MBTD1: variants seen among roughly 807,000 people sequenced by gnomAD.
The protein encoded by MBTD1 is MBT domain-containing protein 1.
A neutral mutation model predicts 87.8 loss-of-function variants in MBTD1; 24 were observed. The ratio of observed to expected loss-of-function variants is 0.27; its 90% CI spans 0.20 to 0.38. MBTD1 has a LOEUF of 0.38. MBTD1 is among the 10% of genes least tolerant of loss of function. The probability of loss-of-function intolerance (pLI) is 1.00; values close to 1 mark genes in which losing one functional copy is unlikely to be tolerated. For missense variants in MBTD1, 436 were observed against 760.2 expected (o/e 0.57, Z 5.02); for synonymous variants, 237 against 248.6 (o/e 0.95, Z 0.44).
chr17:51,193,574 CA>C, intron 13 of MBTD1, 64 bp from the exon 14 acceptor site: 2 of 871,994 alleles, frequency 2.3e-6, no homozygotes, highest in South Asian at 2.9e-5. Context: ...AAAATGCAGA[CA>C]AAAAGTAACA....
intron 2 of MBTD1, among the ~76,000 whole-genome samples, chr17:51,236,023 ATGTC>A (rs566231387): frequency 1.4e-4 from 21 of 152,128 alleles, no homozygotes; most frequent in Admixed American, 3.9e-4. Context: ...CTCTATATGT[ATGTC>A]TATTTATGGG....
chr17:51,236,055 A>T (rs2053813430), intron 2 of MBTD1, among the ~76,000 whole-genome samples: 1 of 152,142 alleles, frequency 6.6e-6, no homozygotes, highest in Non-Finnish European at 1.5e-5. Flanking sequence ...GGGTCTATAT[A>T]TAGATATCTA....
At chr17:51,260,931 G>A (rs1447205079), upstream of MBTD1, 1 of 1,541,912 alleles carries the variant, frequency 6.5e-7, no homozygotes, top group Non-Finnish European at 8.7e-7. Context: ...CCGAGGGTGA[G>A]GGAGGCCGCG....
At chr17:51,246,596 G>A (rs552501891) in intron 2 of MBTD1, among the ~76,000 whole-genome samples, 4 of 152,140 alleles carry the variant, frequency 2.6e-5, no homozygotes, top group South Asian at 2.1e-4. Context: ...AAACAATCAC[G>A]TCACTAACAA....
At chr17:51,245,337 G>A (rs759147149) in intron 2 of MBTD1, among the ~76,000 whole-genome samples, 1 of 151,992 alleles carries the variant, frequency 6.6e-6, no homozygotes, top group Admixed American at 6.6e-5. Flanking sequence ...TGTATGTATG[G>A]AAAATTGTGA....
chr17:51,240,540 T>A (rs1371661125), intron 2 of MBTD1, among the ~76,000 whole-genome samples: 1 of 152,208 alleles, frequency 6.6e-6, no homozygotes, highest in Non-Finnish European at 1.5e-5. Context: ...GCTGGGGTTA[T>A]GTTTTTGGCA....
chr17:51,238,644 G>A (rs1861813729), intron 2 of MBTD1, among the ~76,000 whole-genome samples: 1 of 152,156 alleles, frequency 6.6e-6, no homozygotes, highest in Non-Finnish European at 1.5e-5. Flanking sequence ...AAAGGCAACA[G>A]GCACTTTCAA....
chr17:51,215,713 A>G (rs2052528803), intron 6 of MBTD1, among the ~76,000 whole-genome samples: 2 of 152,178 alleles, frequency 1.3e-5, no homozygotes, highest in South Asian at 4.1e-4. Flanking sequence ...TAAATCACCT[A>G]CTTTACACAG....
intron 7 of MBTD1, among the ~76,000 whole-genome samples, chr17:51,205,554 T>C (rs1334380244): frequency 6.6e-6 from 1 of 152,160 alleles, no homozygotes; most frequent in East Asian, 1.9e-4. Context: ...AGATGGGGAA[T>C]TGACTTGGGT....
intron 2 of MBTD1, among the ~76,000 whole-genome samples, chr17:51,254,855 A>G: frequency 6.6e-6 from 1 of 152,258 alleles, no homozygotes; most frequent in East Asian, 1.9e-4. Context: ...AGTCTGAAAC[A>G]TGCAGTGGCC....
chr17:51,253,065 C>T (rs1403199084), intron 2 of MBTD1, among the ~76,000 whole-genome samples: 4 of 151,614 alleles, frequency 2.6e-5, no homozygotes, highest in Non-Finnish European at 4.4e-5. Flanking sequence ...ATTGTACTAT[C>T]AAGTGCATGT....
At chr17:51,248,688 A>C (rs1160415508) in intron 2 of MBTD1, among the ~76,000 whole-genome samples, 2 of 152,222 alleles carry the variant, frequency 1.3e-5, no homozygotes, top group African/African-American at 2.4e-5. Flanking sequence ...TTCATGTTAC[A>C]TGTATAAATG....
At chr17:51,224,640 G>T (rs1380730963) in intron 3 of MBTD1, among the ~76,000 whole-genome samples, 2 of 152,078 alleles carry the variant, frequency 1.3e-5, no homozygotes, top group African/African-American at 4.8e-5. Context: ...ATGTTAAAAC[G>T]GAAATTATAA....
At chr17:51,187,036 C>A (rs562963820) in intron 16 of MBTD1, among the ~76,000 whole-genome samples, 57 of 152,304 alleles carry the variant, frequency 3.7e-4, no homozygotes, top group African/African-American at 1.3e-3. Context: ...TTACAATTCA[C>A]TCTTTTAGAA....
intron 2 of MBTD1, among the ~76,000 whole-genome samples, chr17:51,231,826 T>C (rs911347677): frequency 3.3e-5 from 5 of 152,256 alleles, no homozygotes; most frequent in Non-Finnish European, 5.9e-5. Context: ...TTTTGTACTT[T>C]TTCCCCCTTG....
intron 3 of MBTD1, 120 bp from the exon 4 acceptor site, chr17:51,220,583 A>G (rs1489145407): frequency 1.2e-6 from 1 of 828,056 alleles, no homozygotes; most frequent in Non-Finnish European, 1.8e-6. Context: ...TGCCTTGAAC[A>G]TTTCTTCTAT....
At chr17:51,236,809 G>C (rs2053865136) in intron 2 of MBTD1, among the ~76,000 whole-genome samples, 1 of 152,072 alleles carries the variant, frequency 6.6e-6, no homozygotes, top group Non-Finnish European at 1.5e-5. Context: ...GGTGCTGGAA[G>C]AATTAAGACA....
intron 3 of MBTD1, 89 bp from the exon 4 acceptor site, chr17:51,220,552 G>A (rs1052530301): frequency 4.6e-5 from 58 of 1,267,858 alleles, no homozygotes; most frequent in Non-Finnish European, 5.2e-5. Flanking sequence ...CCTGCCATCT[G>A]AAAGTTTTAA....
At position 51,220,453 on chromosome 17, in the gene MBTD1, C is replaced by T; in HGVS notation, c.165G>A (p.Glu55=). The change falls in exon 4 of 17, where the codon GAG becomes GAA. Residue 55 remains glutamate, a synonymous_variant. Coordinates refer to ENST00000586178, the MANE Select transcript of MBTD1 (RefSeq NM_017643.3). The part of the protein sequence containing the change: ...PDGKSGMATC[E]MCGMVGVRDA... The stretch of plus-strand genomic sequence containing the variant: ...CTCGGACGCCAACCATCCCACACAT[C>T]TCACAGGTAGCTAATTAACAAAATA... 6.5e-7 allele frequency: 1 copy of T among 1,543,664 alleles called. No individual in the cohort carries two copies. The highest frequency in any genetic ancestry group is 2.4e-5 in the East Asian group (1 of 40,878).
Sources: gnomAD v4.1 joint callset for allele counts (sites outside exome capture counted in the v4.1 genomes callset) on GRCh38, gnomAD v4.1.1 for gene constraint, MANE v1.5 for transcripts, NCBI Gene and HGNC (gene_info 2026-07-23, HGNC 2026-07-21) for gene names.